STAG1: variants seen among roughly 807,000 people sequenced by gnomAD.
STAG1 encodes STAG1 cohesin complex component.
STAG1 carries 26 observed loss-of-function variants against 170.9 expected under a neutral mutation model. The ratio of observed to expected loss-of-function variants is 0.15; its 90% CI spans 0.11 to 0.21. STAG1 has a LOEUF of 0.21. Among genes scored for constraint, STAG1 ranks in the 10% least tolerant of loss-of-function variants. The pLI is 1.00. For missense variants in STAG1, 964 were observed against 1,509.5 expected (o/e 0.64, Z 5.99); for synonymous variants, 514 against 497.7 (o/e 1.03, Z -0.44).
intron 22 of STAG1, among the ~76,000 whole-genome samples, chr3:136,394,204 C>T (rs1319506737): frequency 6.6e-6 from 1 of 152,212 alleles, no homozygotes; most frequent in African/African-American, 2.4e-5. Flanking sequence ...CTGCACCCAG[C>T]TGAAACATGA....
chr3:136,722,744 C>G (rs1190773699), intron 1 of STAG1, among the ~76,000 whole-genome samples: 1 of 151,616 alleles, frequency 6.6e-6, no homozygotes, highest in African/African-American at 2.4e-5. Flanking sequence ...GATGCCGAGC[C>G]GAAGCTGGAC....
intron 6 of STAG1, among the ~76,000 whole-genome samples, chr3:136,524,808 C>T (rs1207580700): frequency 1.3e-5 from 2 of 152,004 alleles, no homozygotes; most frequent in Non-Finnish European, 2.9e-5. Context: ...AGCATGAAGG[C>T]TGTTGAATTT....
At chr3:136,484,897 C>T (rs1029840563) in intron 9 of STAG1, among the ~76,000 whole-genome samples, 8 of 152,046 alleles carry the variant, frequency 5.3e-5, no homozygotes, top group Non-Finnish European at 8.8e-5. Context: ...CTGACCCTTG[C>T]GCTTCCCAGG....
chr3:136,562,101 T>C (rs757504351), intron 5 of STAG1, among the ~76,000 whole-genome samples: 2 of 152,288 alleles, frequency 1.3e-5, no homozygotes, highest in East Asian at 3.9e-4. Flanking sequence ...AAGCATAAGA[T>C]ATAACAATTG....
chr3:136,535,965 T>C (rs936389932), intron 6 of STAG1, among the ~76,000 whole-genome samples: 3 of 152,232 alleles, frequency 2.0e-5, no homozygotes, highest in Non-Finnish European at 4.4e-5. Flanking sequence ...GTGATTTATG[T>C]GAATCACTGT....
intron 15 of STAG1, among the ~76,000 whole-genome samples, chr3:136,441,293 A>G (rs2088624572): frequency 6.6e-6 from 1 of 152,178 alleles, no homozygotes; most frequent in Admixed American, 6.5e-5. Context: ...TCAGCCTCCC[A>G]AAGTGCTGGG....
intron 9 of STAG1, among the ~76,000 whole-genome samples, chr3:136,496,682 T>C (rs953780276): frequency 3.3e-5 from 5 of 152,098 alleles, no homozygotes; most frequent in African/African-American, 1.2e-4. Context: ...TAAATTCCCT[T>C]ATTAGAAAAA....
chr3:136,631,015 A>T, intron 1 of STAG1, 34 bp from the exon 2 acceptor site: 6 of 1,030,452 alleles, frequency 5.8e-6, no homozygotes, highest in Non-Finnish European at 8.4e-6. Context: ...ATTTTAAAAT[A>T]AAATGAGGAT....
intron 1 of STAG1, among the ~76,000 whole-genome samples, chr3:136,717,076 G>C (rs914553626): frequency 2.0e-5 from 3 of 152,178 alleles, no homozygotes; most frequent in African/African-American, 7.2e-5. Context: ...AATCGTTTTT[G>C]TCTGTTCTAT....
chr3:136,384,445 G>A (rs655748), intron 22 of STAG1, among the ~76,000 whole-genome samples: 53,176 of 147,010 alleles, frequency 0.36, 11,280 homozygotes, highest in East Asian at 0.8. Flanking sequence ...GCAAGACTCC[G>A]TCTCAAAAAG....
chr3:136,376,175 A>G (rs1937604277), intron 23 of STAG1, among the ~76,000 whole-genome samples: 1 of 151,604 alleles, frequency 6.6e-6, no homozygotes, highest in Admixed American at 6.6e-5. Context: ...AACTCAATAA[A>G]GATACTTGTC....
At chr3:136,703,446 T>A (rs1943136290) in intron 1 of STAG1, among the ~76,000 whole-genome samples, 1 of 152,194 alleles carries the variant, frequency 6.6e-6, no homozygotes, top group Admixed American at 6.5e-5. Context: ...GCCTGGTGGA[T>A]CACTAAGGGA....
At chr3:136,408,568 T>C (rs1298895994) in intron 21 of STAG1, among the ~76,000 whole-genome samples, 1 of 152,038 alleles carries the variant, frequency 6.6e-6, no homozygotes, top group Non-Finnish European at 1.5e-5. Flanking sequence ...AAAGATATGG[T>C]AGTGGGGCTA....
chr3:136,378,209 C>T (rs763072783), intron 22 of STAG1, among the ~76,000 whole-genome samples: 11 of 152,138 alleles, frequency 7.2e-5, no homozygotes, highest in Non-Finnish European at 1.3e-4. Flanking sequence ...GCCATGCCCT[C>T]AAATAGTTAA....
At chr3:136,682,274 A>T (rs1942361207) in intron 1 of STAG1, among the ~76,000 whole-genome samples, 1 of 151,774 alleles carries the variant, frequency 6.6e-6, no homozygotes, top group African/African-American at 2.4e-5. Context: ...AAAATACAAA[A>T]ATTAGCCAGG....
intron 1 of STAG1, among the ~76,000 whole-genome samples, chr3:136,690,407 T>C (rs1026588894): frequency 6.6e-6 from 1 of 152,180 alleles, no homozygotes; most frequent in African/African-American, 2.4e-5. Context: ...CAACTAATTT[T>C]TGTATTTTTA....
intron 1 of STAG1, among the ~76,000 whole-genome samples, chr3:136,656,617 T>TTGTGTGTGTGTGTGTGTGTGTGTG (rs71157397): frequency 0.01 from 1,459 of 143,360 alleles, 29 homozygotes; most frequent in African/African-American, 0.028. Flanking sequence ...CTGTATTTAT[T>TTGTGTGTGTGTGTGTGTGTGTGTG]TGTGTGTGTG....
At chr3:136,468,023 G>C (rs529024086) in intron 12 of STAG1, among the ~76,000 whole-genome samples, 62 of 152,122 alleles carry the variant, frequency 4.1e-4, no homozygotes, top group Non-Finnish European at 7.8e-4. Flanking sequence ...AGAGGGAAAT[G>C]TATAGCACTA....
intron 4 of STAG1, among the ~76,000 whole-genome samples, chr3:136,593,545 T>C (rs1391144061): frequency 6.6e-6 from 1 of 152,228 alleles, no homozygotes. Flanking sequence ...CAATAAAATA[T>C]ACTTTAATGA....
Sources: gnomAD v4.1 joint callset for allele counts (sites outside exome capture counted in the v4.1 genomes callset) on GRCh38, gnomAD v4.1.1 for gene constraint, MANE v1.5 for transcripts, NCBI Gene and HGNC (gene_info 2026-07-23, HGNC 2026-07-21) for gene names.